Variants in JMJD7 observed in about 807,000 individuals in gnomAD.
JMJD7 encodes jumonji domain containing 7.
In JMJD7, 41 loss-of-function variants were observed where a neutral mutation model predicts 41.1. That is an observed-to-expected ratio of 1.00 (90% CI 0.78 to 1.30). JMJD7 has a LOEUF of 1.30. JMJD7 is among the 50% of genes most tolerant of loss of function. The pLI is 0.00. For synonymous variants in JMJD7, 202 were observed against 177.2 expected (o/e 1.14, Z -1.11); for missense variants, 480 against 420.7 (o/e 1.14, Z -1.23).
Position 41,837,126 on chromosome 15 carries a change from C to G in JMJD7, c.921C>G (p.Asp307Glu), listed in dbSNP as rs1334862996. ...DLKYSYFQLL[D>E]SLTKASGLD ...AGTATAGTTACTTCCAGCTGCTCGA[C>G]TCCCTCACCAAGGCTTCAGGCCTTG... Residue 307 changes from aspartate to glutamate, a missense_variant, in exon 8 of 8, where the codon GAC becomes GAG. By Grantham distance (45) the Asp-to-Glu change is conservative. Coordinates refer to ENST00000397299, the MANE Select transcript of JMJD7 (RefSeq NM_001114632.2). 90 of 1,613,122 alleles carry G rather than the reference C, an allele frequency of 5.6e-5. No individual in the cohort carries two copies. The highest frequency in any genetic ancestry group is 7.5e-5 in the Non-Finnish European group (88 of 1,179,530).
At chr15:41,832,989 A>G (rs2065250943) in intron 1 of JMJD7, among the ~76,000 whole-genome samples, 1 of 152,258 alleles carries the variant, frequency 6.6e-6, no homozygotes, top group Non-Finnish European at 1.5e-5. Flanking sequence ...GGCAGGCACG[A>G]GACAGGAAAT....
intron 1 of JMJD7, 27 bp downstream of exon 1, chr15:41,828,215 C>T: frequency 6.7e-7 from 1 of 1,495,574 alleles, no homozygotes; most frequent in Non-Finnish European, 8.8e-7. Context: ...CAGGCTGCGG[C>T]GATTTCCGAA....
chr15:41,828,978 C>T (rs2065186353), intron 1 of JMJD7: 1 of 152,236 alleles, frequency 6.6e-6, no homozygotes, highest in African/African-American at 2.4e-5. Flanking sequence ...CCGTTGTTTT[C>T]AATAATGCTG....
In JMJD7 at chr15:41,828,363, C is replaced by T. The variant is rs2065172251; in HGVS notation, c.64+175C>T. The T allele has an allele frequency of 5.8e-5, 43 of 739,634 alleles. No homozygotes were observed. The South Asian group carries it at 1.0e-3, about 18-fold the overall frequency. 45.8% of individuals were successfully genotyped at this position (739,634 alleles called of 1,614,324 possible). On this transcript the variant is annotated intron_variant, in intron 1 of 7. Transcript: ENST00000397299. ...CCGTGTTCGCGCGCTCCCGCGGCTT[C>T]CTGGGTGATTCTGTTCACGTTGTTC...
chr15:41,831,618 G>C (rs1466128255), intron 1 of JMJD7, among the ~76,000 whole-genome samples: 5 of 152,182 alleles, frequency 3.3e-5, no homozygotes, highest in Non-Finnish European at 4.4e-5. Context: ...ACAAAGCTCT[G>C]CTGAGCTGAA....
In JMJD7 at chr15:41,836,743, T is replaced by C. The variant is rs201529486; in HGVS notation, c.703-38T>C. On this transcript the variant is annotated intron_variant, in intron 6 of 7. Transcript: ENST00000397299. ...GGACAGAGCCTGAAGTCCTGGGGGG[T>C]CTGGGGGGCTGCTCCCTGGCATCTG... 1.1e-4 allele frequency: 177 copies of C among 1,562,522 alleles called. No homozygotes were observed. The African/African-American group carries it at 2.0e-3, about 18-fold the overall frequency.
At chr15:41,830,234 A>C (rs1260507977) in intron 1 of JMJD7, among the ~76,000 whole-genome samples, 1 of 152,204 alleles carries the variant, frequency 6.6e-6, no homozygotes, top group African/African-American at 2.4e-5. Context: ...CAAAGGTGCA[A>C]CTGGGACTTG....
In JMJD7 at chr15:41,836,723, G is replaced by C. The variant is rs1469861563; in HGVS notation, c.703-58G>C. The C allele has an allele frequency of 3.9e-6, 6 of 1,534,798 alleles. No individual in the cohort carries two copies. In the Admixed American group the frequency reaches 7.9e-5, roughly 20 times the overall value. On this transcript the variant is annotated intron_variant, in intron 6 of 7. Transcript: ENST00000397299. ...GTGGTGTTGACCTTTGGAAGGGACAGAGCCTGAAGTCCTGGGGGGTCTGGG... is the reference window on the plus strand; with the variant it reads ...GTGGTGTTGACCTTTGGAAGGGACACAGCCTGAAGTCCTGGGGGGTCTGGG...
chr15:41,837,014 A>G, intron 7 of JMJD7, 54 bp from the exon 8 acceptor site: 1 of 1,609,292 alleles, frequency 6.2e-7, no homozygotes, highest in Non-Finnish European at 8.5e-7. Context: ...GAGGCTTGGG[A>G]GGCTCTAGGT....
chr15:41,829,566 T>C (rs2065197536), intron 1 of JMJD7, among the ~76,000 whole-genome samples: 1 of 152,230 alleles, frequency 6.6e-6, no homozygotes, highest in Admixed American at 6.5e-5. Context: ...TGGAACGCCA[T>C]GGAACACATA....
chr15:41,835,463 C>A, intron 3 of JMJD7, 125 bp from the exon 4 acceptor site: 1 of 1,428,212 alleles, frequency 7.0e-7, no homozygotes, highest in Non-Finnish European at 9.5e-7. Context: ...CAACCTCTGC[C>A]TCTTCTCCCT....
Position 41,835,645 on chromosome 15 carries a change from G to T in JMJD7, c.529+1G>T. 3.1e-6 allele frequency: 5 copies of T among 1,613,460 alleles called. No homozygotes were observed. Among genetic ancestry groups the T allele is most frequent in the Non-Finnish European group, 4.2e-6 (5 of 1,179,640 alleles). ...GGGGAGGCGGCTGCAGTGACTTCTT[G>T]TAGGTGTAAGGGGAATACAAAGGTG... On this transcript the variant is annotated splice_donor_variant, in intron 4 of 7. Transcript: ENST00000397299. LOFTEE classifies it high-confidence loss of function.
In JMJD7 at chr15:41,837,070, A is replaced by T; in HGVS notation, c.865A>T (p.Asn289Tyr). 8 of 1,613,230 alleles carry T rather than the reference A, an allele frequency of 5.0e-6. No homozygotes were observed. Among genetic ancestry groups the T allele is most frequent in the Non-Finnish European group, 6.8e-6 (8 of 1,179,346 alleles). ...TCAGATCCCCGTTCTTCCCACAGTGAATTTCTGGTATGACATGGAATACGA... is the reference window on the plus strand; with the variant it reads ...TCAGATCCCCGTTCTTCCCACAGTGTATTTCTGGTATGACATGGAATACGA... ...VQQSQGCIAVNFWYDMEYDLK... is the reference protein window; with the variant it reads ...VQQSQGCIAVYFWYDMEYDLK... Residue 289 changes from asparagine (N) to tyrosine (Y), a missense_variant and splice_region_variant, in exon 8 of 8, where the codon AAT becomes TAT. Coordinates refer to ENST00000397299, the MANE Select transcript of JMJD7 (RefSeq NM_001114632.2).
Position 41,837,432 on chromosome 15 carries a change from C to T in JMJD7, c.*276C>T, listed in dbSNP as rs899323566. On this transcript the variant is annotated 3_prime_UTR_variant, in exon 8 of 8. Coordinates refer to ENST00000397299, the MANE Select transcript of JMJD7 (RefSeq NM_001114632.2). ...CTCTCCCCAGCGCTGTGATGTTGGG[C>T]GAGTCACTGCGTCTCGGGCATTGGT... 7.3e-5 allele frequency: 36 copies of T among 491,338 alleles called. No individual in the cohort carries two copies. Among genetic ancestry groups the T allele is most frequent in the Admixed American group, 7.2e-4 (19 of 26,358 alleles). The allele number at this position is 491,338 out of a possible 1,614,324, so 30.4% of individuals were successfully genotyped here. A position where few individuals can be genotyped will look rare whatever the true frequency, so the allele number is the denominator to read the frequency against.
At chr15:41,829,252 TGAA>T in intron 1 of JMJD7, 1 of 150,256 alleles carries the variant, frequency 6.7e-6, no homozygotes, top group African/African-American at 2.5e-5. Context: ...TAGGAAACAG[TGAA>T]GAAGCCAGTC....
chr15:41,832,288 A>G, intron 1 of JMJD7: 1 of 163,700 alleles, frequency 6.1e-6, no homozygotes, highest in Non-Finnish European at 1.3e-5. Context: ...TGCAGGGCCG[A>G]GTGGGCCCAA....
intron 6 of JMJD7, 35 bp from the exon 7 acceptor site, chr15:41,836,745 TG>T (rs1442511645): frequency 7.0e-6 from 11 of 1,569,330 alleles, no homozygotes; most frequent in Non-Finnish European, 6.9e-6. Flanking sequence ...CTGGGGGGTC[TG>T]GGGGGCTGCT....
At position 41,835,214 on chromosome 15, in the gene JMJD7, G is replaced by C. The variant is rs781222742; in HGVS notation, c.463G>C (p.Glu155Gln). 4 of 1,598,280 alleles carry C rather than the reference G, an allele frequency of 2.5e-6. No homozygotes were observed. The highest frequency in any genetic ancestry group is 3.4e-6 in the Non-Finnish European group (4 of 1,179,434). The stretch of plus-strand genomic sequence containing the variant: ...GGAATCCCATGTGCCCTGGGCCTCC[G>C]AAGCCCTGGGTGAGTGGAGGTGGGG... ...DLESHVPWAS[E>Q]ALGKMPDAVN... Residue 155 changes from glutamate (E) to glutamine (Q), a missense_variant, in exon 3 of 8, where the codon GAA becomes CAA. Physicochemically the swap from Glu to Gln is conservative, Grantham distance 29 (BLOSUM62 2). Transcript: ENST00000397299.
intron 1 of JMJD7, among the ~76,000 whole-genome samples, chr15:41,829,595 T>C (rs1195837662): frequency 1.3e-5 from 2 of 152,238 alleles, no homozygotes; most frequent in Non-Finnish European, 2.9e-5. Context: ...CTCCCGGCCT[T>C]GTTAAATTCT....
Sources: allele counts gnomAD v4.1 joint callset (sites outside exome capture counted in the v4.1 genomes callset), GRCh38; gene constraint gnomAD v4.1.1; transcripts MANE v1.5; gene names NCBI Gene and HGNC (gene_info 2026-07-23, HGNC 2026-07-21).